The following FAF1 variants were observed in gnomAD, a reference collection of about 807,000 sequenced individuals.
The protein encoded by FAF1 is FAS-associated factor 1.
FAF1 carries 25 observed loss-of-function variants against 92.5 expected under a neutral mutation model. The ratio of observed to expected loss-of-function variants is 0.27; its 90% CI spans 0.20 to 0.38. The LOEUF (loss-of-function observed/expected upper bound fraction) is 0.38. Among genes scored for constraint, FAF1 ranks in the 10% least tolerant of loss-of-function variants. FAF1 has a pLI of 1.00. For missense variants in FAF1, 636 were observed against 793.3 expected, an observed-to-expected ratio of 0.80 and a Z score of 2.38; for synonymous variants, 234 against 273.2, an observed-to-expected ratio of 0.86 and a Z score of 1.42.
rs1647790166 is a variant in FAF1, at chr1:50,526,195, T to G, written c.1494+9174A>C. Among the ~76,000 whole-genome samples, 3 of 152,250 alleles carry G rather than the reference T, an allele frequency of 2.0e-5. No homozygotes were observed. In the South Asian group the frequency reaches 6.2e-4, roughly 32 times the overall value. ...TTTTTGTAGAGATAGGGTTTTGCCA[T>G]GTTGCCTAGGCTGGTCTTGATCTCC... On this transcript the variant is annotated intron_variant, in intron 15 of 18. Coordinates refer to ENST00000396153, the MANE Select transcript of FAF1 (RefSeq NM_007051.3).
intron 9 of FAF1, among the ~76,000 whole-genome samples, chr1:50,592,289 T>G (rs1308884134): frequency 6.6e-6 from 1 of 151,790 alleles, no homozygotes; most frequent in Non-Finnish European, 1.5e-5. Context: ...TGTTGTTAAG[T>G]TTTTGGATTT....
intron 9 of FAF1, among the ~76,000 whole-genome samples, chr1:50,586,692 T>TA (rs963475178): frequency 4.6e-5 from 7 of 152,298 alleles, no homozygotes; most frequent in Non-Finnish European, 7.4e-5. Context: ...TGGTTTAAGC[T>TA]AGTCAACAGC....
chr1:50,675,806 T>C (rs1656092435), intron 7 of FAF1, among the ~76,000 whole-genome samples: 1 of 152,196 alleles, frequency 6.6e-6, no homozygotes, highest in South Asian at 2.1e-4. Context: ...ATGTTTATGA[T>C]ACAATGTGAT....
intron 15 of FAF1, among the ~76,000 whole-genome samples, chr1:50,518,744 G>GT (rs1023580495): frequency 4.6e-5 from 7 of 152,086 alleles, no homozygotes; most frequent in Admixed American, 3.3e-4. Context: ...CCAGCCACAA[G>GT]TTTTTGTGTG....
intron 18 of FAF1, among the ~76,000 whole-genome samples, chr1:50,466,963 T>C (rs1205456417): frequency 6.6e-6 from 1 of 152,184 alleles, no homozygotes; most frequent in Non-Finnish European, 1.5e-5. Flanking sequence ...TCAGTTTTGT[T>C]CAACTGCTAT....
At chr1:50,451,847 C>T (rs1197908432) in intron 18 of FAF1, 9 of 1,014,178 alleles carry the variant, frequency 8.9e-6, no homozygotes, top group African/African-American at 1.7e-5. Context: ...TAGCCTATGC[C>T]TTTAGATGGA....
intron 4 of FAF1, among the ~76,000 whole-genome samples, chr1:50,769,885 T>C (rs1245163270): frequency 6.6e-6 from 1 of 151,952 alleles, no homozygotes; most frequent in Admixed American, 6.6e-5. Context: ...ACCCCATCTC[T>C]ACAAAAAATA....
At position 50,445,345 on chromosome 1, in the gene FAF1, GC is replaced by G. The variant is rs1475072076; in HGVS notation, c.1870-3823del. Among the ~76,000 whole-genome samples, 11 of 152,292 alleles carry G rather than the reference GC, an allele frequency of 7.2e-5. No homozygotes were observed. The South Asian group carries it at 2.3e-3, about 32-fold the overall frequency. On this transcript the variant is annotated intron_variant, in intron 18 of 18. Coordinates refer to ENST00000396153, the MANE Select transcript of FAF1 (RefSeq NM_007051.3). ...GCCAAAAAGCCAATGGAGAAATTGAGCCCTGGAGCAGATTAAGTAACTTGCC... is the reference window on the plus strand; with the variant it reads ...GCCAAAAAGCCAATGGAGAAATTGAGCCTGGAGCAGATTAAGTAACTTGCC...
At chr1:50,648,257 T>C (rs1161909687) in intron 8 of FAF1, among the ~76,000 whole-genome samples, 1 of 151,722 alleles carries the variant, frequency 6.6e-6, no homozygotes. Flanking sequence ...AAACTCCGTC[T>C]CAAAACAAAA....
At chr1:50,931,888 A>AAATAAAAAT in intron 1 of FAF1, among the ~76,000 whole-genome samples, 1 of 129,482 alleles carries the variant, frequency 7.7e-6, no homozygotes, top group East Asian at 2.2e-4. Flanking sequence ...ATAAATAAAT[A>AAATAAAAAT]AATAATAATA....
At chr1:50,779,591 A>T (rs530694707) in intron 4 of FAF1, among the ~76,000 whole-genome samples, 3 of 151,434 alleles carry the variant, frequency 2.0e-5, no homozygotes, top group Non-Finnish European at 4.4e-5. Context: ...ATTATATATA[A>T]AATACTCTAT....
intron 13 of FAF1, among the ~76,000 whole-genome samples, chr1:50,549,823 A>G (rs1018131910): frequency 6.6e-6 from 1 of 151,962 alleles, no homozygotes; most frequent in African/African-American, 2.4e-5. Context: ...GACTTGCTAT[A>G]TTGCCCAGGC....
chr1:50,731,977 T>C (rs1009309936), intron 6 of FAF1, among the ~76,000 whole-genome samples: 10 of 152,172 alleles, frequency 6.6e-5, no homozygotes, highest in Admixed American at 5.9e-4. Context: ...TTCTACTACA[T>C]GGTCAGTTTT....
At chr1:50,672,704 T>C (rs1304609769) in intron 7 of FAF1, among the ~76,000 whole-genome samples, 1 of 152,222 alleles carries the variant, frequency 6.6e-6, no homozygotes, top group Non-Finnish European at 1.5e-5. Flanking sequence ...ATAAACTAGA[T>C]ACTTACATGC....
intron 2 of FAF1, among the ~76,000 whole-genome samples, chr1:50,843,058 A>T (rs1644268749): frequency 6.6e-6 from 1 of 152,218 alleles, no homozygotes; most frequent in Non-Finnish European, 1.5e-5. Flanking sequence ...ATTATTTACT[A>T]GCTTTATAAA....
intron 13 of FAF1, among the ~76,000 whole-genome samples, chr1:50,546,439 C>T (rs1268831948): frequency 6.6e-6 from 1 of 152,142 alleles, no homozygotes; most frequent in Non-Finnish European, 1.5e-5. Context: ...AATCTCAGCT[C>T]ACTGCAACCT....
Position 50,724,867 on chromosome 1 carries a change from T to G in FAF1, c.551+13996A>C, listed in dbSNP as rs552797067. On this transcript the variant is annotated intron_variant, in intron 6 of 18. Coordinates refer to ENST00000396153, the MANE Select transcript of FAF1 (RefSeq NM_007051.3). ...GGTGCACTCTGGACAAAGCTTACCA[T>G]GAGATCTCTAAGCTGTCTTTCCAAA... 5.3e-5 allele frequency among the ~76,000 whole-genome samples: 8 copies of G among 152,294 alleles called. No individual in the cohort carries two copies. The South Asian group carries it at 1.7e-3, about 32-fold the overall frequency.
chr1:50,556,156 T>C (rs1572831088), intron 13 of FAF1, among the ~76,000 whole-genome samples: 1 of 145,776 alleles, frequency 6.9e-6, no homozygotes, highest in South Asian at 2.1e-4. Context: ...GAGACTGGCG[T>C]GAACCCAGGA....
intron 15 of FAF1, among the ~76,000 whole-genome samples, chr1:50,512,196 C>T (rs183930304): frequency 1.3e-5 from 2 of 152,294 alleles, no homozygotes; most frequent in South Asian, 2.1e-4. Context: ...GTTGCCTGTT[C>T]ATTCTGATGA....
Sources: gnomAD v4.1 joint callset for allele counts (sites outside exome capture counted in the v4.1 genomes callset) on GRCh38, gnomAD v4.1.1 for gene constraint, MANE v1.5 for transcripts, NCBI Gene and HGNC (gene_info 2026-07-23, HGNC 2026-07-21) for gene names.